GABRB2: variants seen among roughly 807,000 people sequenced by gnomAD.
GABRB2 encodes the protein gamma-aminobutyric acid receptor subunit beta-2.
Under a neutral mutation model 54.7 loss-of-function variants are expected in GABRB2, and 16 were observed. The ratio of observed to expected loss-of-function variants is 0.29; its 90% CI spans 0.20 to 0.44. The LOEUF (loss-of-function observed/expected upper bound fraction) is 0.44, where lower values mean the gene tolerates loss of function less well. Among genes scored for constraint, GABRB2 ranks in the 20% least tolerant of loss-of-function variants. The probability of loss-of-function intolerance (pLI) is 1.00; values close to 1 mark genes in which losing one functional copy is unlikely to be tolerated. For synonymous variants in GABRB2, 244 were observed against 233.8 expected, an observed-to-expected ratio of 1.04 and a Z score of -0.40; for missense variants, 355 against 644.0, an observed-to-expected ratio of 0.55 and a Z score of 4.86.
At chr5:161,399,497 C>T (rs1160623489) in intron 5 of GABRB2, among the ~76,000 whole-genome samples, 1 of 152,170 alleles carries the variant, frequency 6.6e-6, no homozygotes, top group Non-Finnish European at 1.5e-5. Flanking sequence ...TGGTTTCCAT[C>T]TAGCAGCTAG....
chr5:161,329,393 G>A lies in GABRB2; in HGVS notation c.1077+1490C>T, dbSNP rs183575115. 230 of 151,380 alleles carry A rather than the reference G, an allele frequency of 1.5e-3. 1 individual carries two copies. Among genetic ancestry groups the A allele is most frequent in the African/African-American group, 5.2e-3 (216 of 41,222 alleles). The allele number at this position is 151,380 out of a possible 1,614,324, so 9.4% of individuals were successfully genotyped here. Reference sequence around the variant, plus strand: ...TCCAATAAGTAAAACCTTGGGTGTGGGAAAGAATTTGACAATTTCCTAGAC... The same window carrying A: ...TCCAATAAGTAAAACCTTGGGTGTGAGAAAGAATTTGACAATTTCCTAGAC... On this transcript the variant is annotated intron_variant, in intron 8 of 9. Transcript: ENST00000393959.
At chr5:161,337,844 C>A (rs1479289309) in intron 5 of GABRB2, among the ~76,000 whole-genome samples, 1 of 152,080 alleles carries the variant, frequency 6.6e-6, no homozygotes, top group Non-Finnish European at 1.5e-5. Flanking sequence ...AGAGATATCA[C>A]ATTTATCTTT....
In GABRB2 at chr5:161,326,351, A is replaced by G. The variant is rs1561608556; in HGVS notation, c.1191+17T>C. 1.2e-6 allele frequency: 2 copies of G among 1,609,014 alleles called. No individual in the cohort carries two copies. The highest frequency in any genetic ancestry group is 1.3e-5 in the African/African-American group (1 of 74,510). ...AACAGAAATACAAATAAATGGATTA[A>G]AAACTGGCTATCTAACCGTATACAG... On this transcript the variant is annotated intron_variant, in intron 9 of 9. Coordinates refer to ENST00000393959, the MANE Select transcript of GABRB2 (RefSeq NM_001371727.1).
At chr5:161,308,844 T>G (rs1049226892) in intron 9 of GABRB2, among the ~76,000 whole-genome samples, 2 of 152,146 alleles carry the variant, frequency 1.3e-5, no homozygotes, top group Non-Finnish European at 2.9e-5. Flanking sequence ...TTCCTTACAC[T>G]ATGTACAAAA....
chr5:161,372,522 C>T (rs1439882666), intron 5 of GABRB2, among the ~76,000 whole-genome samples: 6 of 152,138 alleles, frequency 3.9e-5, no homozygotes, highest in Non-Finnish European at 8.8e-5. Context: ...TACATCTTCC[C>T]TAAAACCCAG....
chr5:161,495,251 T>C (rs556614528), intron 3 of GABRB2, among the ~76,000 whole-genome samples: 1 of 151,970 alleles, frequency 6.6e-6, no homozygotes, highest in East Asian at 1.9e-4. Flanking sequence ...ACCTTAATAC[T>C]CAGGAGTGTT....
intron 3 of GABRB2, among the ~76,000 whole-genome samples, chr5:161,492,614 A>C (rs369701659): frequency 9.1e-4 from 138 of 151,342 alleles, no homozygotes; most frequent in Admixed American, 1.8e-3. Context: ...ACACAGATGT[A>C]TGTTAGTTGT....
At chr5:161,360,458 T>G (rs1371804351) in intron 5 of GABRB2, among the ~76,000 whole-genome samples, 1 of 152,194 alleles carries the variant, frequency 6.6e-6, no homozygotes, top group Admixed American at 6.5e-5. Context: ...TGTAATATGT[T>G]TATTTCTACA....
At chr5:161,336,817 A>AC (rs745592124) in intron 5 of GABRB2, 48 bp from the exon 6 acceptor site, 89 of 1,527,374 alleles carry the variant, frequency 5.8e-5, no homozygotes, top group Non-Finnish European at 6.7e-5. Context: ...CAGAAAACAA[A>AC]AAAAAAAAAA....
Position 161,316,717 on chromosome 5 carries a change from T to C in GABRB2, c.1191+9651A>G, listed in dbSNP as rs568247953. Among the ~76,000 whole-genome samples the C allele has an allele frequency of 5.3e-5, 8 of 152,256 alleles. 1 individual carries two copies. The South Asian group carries it at 1.7e-3, about 32-fold the overall frequency. ...ACCTCCATCTCCTGGGTTCAAGCGA[T>C]TCTCCTGCCTCAGCCTCCTGAGTAG... On this transcript the variant is annotated intron_variant, in intron 9 of 9. Coordinates refer to ENST00000393959, the MANE Select transcript of GABRB2 (RefSeq NM_001371727.1).
chr5:161,330,674 T>C (rs1305539253), intron 8 of GABRB2: 1 of 614,804 alleles, frequency 1.6e-6, no homozygotes, highest in African/African-American at 1.8e-5. Context: ...GTCACTCCTC[T>C]TGTTAATGGA....
At chr5:161,428,664 C>G (rs1400143804) in intron 4 of GABRB2, among the ~76,000 whole-genome samples, 2 of 152,158 alleles carry the variant, frequency 1.3e-5, no homozygotes, top group Non-Finnish European at 2.9e-5. Flanking sequence ...GAATATTAAT[C>G]TATTCATAGA....
intron 4 of GABRB2, among the ~76,000 whole-genome samples, chr5:161,432,249 T>G (rs1757190414): frequency 6.6e-6 from 1 of 152,236 alleles, no homozygotes; most frequent in Non-Finnish European, 1.5e-5. Context: ...ATACTTGGTC[T>G]GCCTCATAGC....
chr5:161,362,426 CATT>C (rs1427332297), intron 5 of GABRB2, among the ~76,000 whole-genome samples: 2 of 152,046 alleles, frequency 1.3e-5, no homozygotes, highest in Admixed American at 6.6e-5. Context: ...AATGTTTTTC[CATT>C]TTTTTGTTCC....
chr5:161,373,883 T>A (rs1407447387), intron 5 of GABRB2, among the ~76,000 whole-genome samples: 3 of 151,550 alleles, frequency 2.0e-5, no homozygotes, highest in Non-Finnish European at 3.0e-5. Flanking sequence ...TACCATCTCC[T>A]TCACGTTGTT....
At chr5:161,434,554 A>G (rs1187778179) in intron 4 of GABRB2, among the ~76,000 whole-genome samples, 1 of 151,910 alleles carries the variant, frequency 6.6e-6, no homozygotes, top group Admixed American at 6.6e-5. Context: ...ACTTTCATTC[A>G]TCACATATGC....
At chr5:161,299,972 G>T (rs1757489790) in intron 9 of GABRB2, among the ~76,000 whole-genome samples, 1 of 152,122 alleles carries the variant, frequency 6.6e-6, no homozygotes, top group South Asian at 2.1e-4. Flanking sequence ...AATATTTTAG[G>T]CTAGGACCTA....
intron 3 of GABRB2, among the ~76,000 whole-genome samples, chr5:161,543,108 C>A (rs2113481900): frequency 6.6e-6 from 1 of 152,334 alleles, no homozygotes; most frequent in Non-Finnish European, 1.5e-5. Flanking sequence ...TTGGAATTTT[C>A]AACACTTGGT....
chr5:161,397,185 G>A (rs1756027793), intron 5 of GABRB2, among the ~76,000 whole-genome samples: 1 of 152,116 alleles, frequency 6.6e-6, no homozygotes. Flanking sequence ...AGTGGAATTA[G>A]AAAGACACAG....
Sources: allele counts gnomAD v4.1 joint callset (sites outside exome capture counted in the v4.1 genomes callset), GRCh38; gene constraint gnomAD v4.1.1; transcripts MANE v1.5; gene names NCBI Gene and HGNC (gene_info 2026-07-23, HGNC 2026-07-21).